LMBRD2: variants seen among roughly 807,000 people sequenced by gnomAD.
LMBRD2 encodes LMBR1 domain containing 2.
A neutral mutation model predicts 94.4 loss-of-function variants in LMBRD2; 55 were observed. The observed-to-expected ratio is 0.58, with a 90% confidence interval of 0.47 to 0.73. LMBRD2 has a LOEUF of 0.73. Ranked by LOEUF, LMBRD2 falls within the 30% of genes least tolerant of loss-of-function variation. LMBRD2 has a pLI of 0.00. For missense variants in LMBRD2, 640 were observed against 831.9 expected (o/e 0.77, Z 2.84); for synonymous variants, 246 against 272.4 (o/e 0.90, Z 0.95).
chr5:36,149,141 C>G (rs940681031), intron 1 of LMBRD2, among the ~76,000 whole-genome samples: 3 of 152,050 alleles, frequency 2.0e-5, no homozygotes, highest in African/African-American at 4.8e-5. Flanking sequence ...ATTCATTTAG[C>G]AAATATTTAC....
intron 6 of LMBRD2, among the ~76,000 whole-genome samples, chr5:36,127,487 G>A (rs188864178): frequency 6.6e-6 from 1 of 152,186 alleles, no homozygotes; most frequent in Admixed American, 6.5e-5. Context: ...TGCAGGACTC[G>A]GCTCTTAGAC....
At chr5:36,144,300 T>A (rs1744486980) in intron 1 of LMBRD2, among the ~76,000 whole-genome samples, 1 of 152,226 alleles carries the variant, frequency 6.6e-6, no homozygotes, top group African/African-American at 2.4e-5. Flanking sequence ...CTTTGTAAAA[T>A]CAATGTTAGA....
Position 36,114,428 on chromosome 5 carries a change from A to G in LMBRD2, c.1636T>C (p.Phe546Leu). Residue 546 changes from phenylalanine (F) to leucine (L), a missense_variant, in exon 13 of 18, where the codon TTT (phenylalanine) becomes CTT (leucine). Phe to Leu is a conservative substitution (Grantham distance 22, BLOSUM62 0). Coordinates refer to ENST00000296603, the MANE Select transcript of LMBRD2 (RefSeq NM_001007527.2). Reference protein sequence around the residue: ...LVVILCIATYFSLGTRCLNLL... With the variant: ...LVVILCIATYLSLGTRCLNLL... ...AAACAATGTTAAGTTTCTTACCTAAAATAAGTAGCAATGCAGAGAATTACC... is the reference window on the plus strand; with the variant it reads ...AAACAATGTTAAGTTTCTTACCTAAGATAAGTAGCAATGCAGAGAATTACC... 1 of 1,557,366 alleles carries G rather than the reference A, an allele frequency of 6.4e-7. No homozygotes were observed. Among genetic ancestry groups the G allele is most frequent in the Non-Finnish European group, 8.6e-7 (1 of 1,159,524 alleles).
chr5:36,127,606 A>C (rs922817642), intron 6 of LMBRD2, among the ~76,000 whole-genome samples: 4 of 152,190 alleles, frequency 2.6e-5, no homozygotes, highest in African/African-American at 9.6e-5. Context: ...TTGGGCCTTG[A>C]ATGAACACTG....
At chr5:36,142,201 GA>G (rs1207224924) in intron 3 of LMBRD2, among the ~76,000 whole-genome samples, 1 of 152,074 alleles carries the variant, frequency 6.6e-6, no homozygotes, top group African/African-American at 2.4e-5. Flanking sequence ...AGGCTGAGAG[GA>G]AAAACAGGTT....
intron 1 of LMBRD2, among the ~76,000 whole-genome samples, chr5:36,146,209 A>T (rs965990235): frequency 2.6e-5 from 4 of 152,256 alleles, no homozygotes; most frequent in Non-Finnish European, 5.9e-5. Flanking sequence ...CTACAAACTT[A>T]GTGACTTTAA....
intron 1 of LMBRD2, among the ~76,000 whole-genome samples, chr5:36,146,333 C>T (rs565676471): frequency 1.3e-5 from 2 of 152,298 alleles, no homozygotes; most frequent in South Asian, 2.1e-4. Flanking sequence ...ATCAAGGTGT[C>T]AGCAGGTTTG....
At chr5:36,111,345 A>G (rs1743601198) in intron 13 of LMBRD2, 87 bp from the exon 14 acceptor site, 1 of 867,816 alleles carries the variant, frequency 1.2e-6, no homozygotes, top group Non-Finnish European at 1.9e-6. Context: ...TGTCACTCCA[A>G]AAGAAGACTA....
Position 36,115,037 on chromosome 5 carries a change from G to C in LMBRD2, c.1520C>G (p.Thr507Ser). Residue 507 changes from threonine to serine, a missense_variant, in exon 12 of 18, where the codon ACT becomes AGT. This residue lies in a region of LMBRD2 where 457 missense variants were observed against 642.8 expected (regional missense o/e 0.71). Coordinates refer to ENST00000296603, the MANE Select transcript of LMBRD2 (RefSeq NM_001007527.2). ...TACAGATGTATAAGCAGTTGGTTGA[G>C]TATTCTTGTGAGAGATAGATGAATC... Reference protein sequence around the residue: ...HMDSSISHKNTQPTAYTSIMG... With the variant: ...HMDSSISHKNSQPTAYTSIMG... 6.2e-7 allele frequency: 1 copy of C among 1,607,414 alleles called. No homozygotes were observed. The highest frequency in any genetic ancestry group is 1.1e-5 in the South Asian group (1 of 90,764).
Position 36,112,547 on chromosome 5 carries a change from G to A in LMBRD2, c.1641-1289C>T, listed in dbSNP as rs528217032. Among the ~76,000 whole-genome samples, 4 of 152,268 alleles carry A rather than the reference G, an allele frequency of 2.6e-5. No homozygotes were observed. In the East Asian group the frequency reaches 7.7e-4, roughly 29 times the overall value. On this transcript the variant is annotated intron_variant, in intron 13 of 17. Transcript: ENST00000296603. Reference sequence around the variant, plus strand: ...CATTGCTTCAGGTGTTTCTATAACAGAAGATCTATTTTGTGAGTTAATCCG... The same window carrying A: ...CATTGCTTCAGGTGTTTCTATAACAAAAGATCTATTTTGTGAGTTAATCCG...
At chr5:36,130,125 A>G (rs1428089115) in intron 6 of LMBRD2, among the ~76,000 whole-genome samples, 2 of 152,308 alleles carry the variant, frequency 1.3e-5, no homozygotes, top group Non-Finnish European at 2.9e-5. Context: ...AACGTGGCAC[A>G]TGTATACATA....
In LMBRD2 at chr5:36,151,529, C is replaced by A. The variant is rs1050170777; in HGVS notation, c.-58+27G>T. On this transcript the variant is annotated intron_variant, in intron 1 of 17. Transcript: ENST00000296603. The surrounding 1 kb of genome is among the most constrained non-coding windows in gnomAD (Gnocchi z 4.7). Reference sequence around the variant, plus strand: ...TTCCTGGCAAAAGGACGAACAGGTGCGACGCCAGCAGTTCGCAGCCTCTCA... The same window carrying A: ...TTCCTGGCAAAAGGACGAACAGGTGAGACGCCAGCAGTTCGCAGCCTCTCA... 1.1e-4 allele frequency: 17 copies of A among 152,498 alleles called. No individual in the cohort carries two copies. Among genetic ancestry groups the A allele is most frequent in the Admixed American group, 1.0e-3 (16 of 15,312 alleles). 9.4% of individuals were successfully genotyped at this position (152,498 alleles called of 1,614,324 possible).
chr5:36,103,612 TACAGGTTGAATATACTTTTTAGAAGTA>T lies in LMBRD2; in HGVS notation c.*407_*433del, dbSNP rs1256605962. On this transcript the variant is annotated 3_prime_UTR_variant, in exon 18 of 18. Transcript: ENST00000296603. ...CATTCACTTACATTTCTTTGGGAAA[TACAGGTTGAATATACTTTTTAGAAGTA>T]ACAAAAATGTAAGTCACAATAACAA... is the stretch of plus-strand genomic sequence containing the variant. 3.9e-5 allele frequency: 6 copies of T among 152,596 alleles called. No individual in the cohort carries two copies. Among genetic ancestry groups the T allele is most frequent in the African/African-American group, 1.4e-4 (6 of 41,428 alleles). The allele number at this position is 152,596 out of a possible 1,614,324, so 9.5% of individuals were successfully genotyped here.
intron 16 of LMBRD2, among the ~76,000 whole-genome samples, chr5:36,106,658 T>C (rs772891189): frequency 6.3e-4 from 96 of 151,854 alleles, no homozygotes; most frequent in Non-Finnish European, 8.8e-4. Flanking sequence ...TACAGGTGCA[T>C]ACCACCATGC....
In LMBRD2 at chr5:36,102,253, T is replaced by C. The variant is rs1743361838; in HGVS notation, c.*1793A>G. Reference sequence around the variant, plus strand: ...GTACATAAACACCAATTCAACTTCCTCACAATGGCTTTGTAAGGTAGATCA... The same window carrying C: ...GTACATAAACACCAATTCAACTTCCCCACAATGGCTTTGTAAGGTAGATCA... On this transcript the variant is annotated 3_prime_UTR_variant, in exon 18 of 18. Transcript: ENST00000296603. 1 of 151,908 alleles carries C rather than the reference T, an allele frequency of 6.6e-6. No homozygotes were observed. 9.4% of individuals were successfully genotyped at this position (151,908 alleles called of 1,614,324 possible).
At chr5:36,126,897 A>G (rs928969435) in intron 6 of LMBRD2, among the ~76,000 whole-genome samples, 1 of 152,238 alleles carries the variant, frequency 6.6e-6, no homozygotes, top group Non-Finnish European at 1.5e-5. Flanking sequence ...TATCTTTCCA[A>G]TGTAAACTTT....
At chr5:36,129,085 G>A (rs1023186112) in intron 6 of LMBRD2, among the ~76,000 whole-genome samples, 1 of 152,070 alleles carries the variant, frequency 6.6e-6, no homozygotes, top group Non-Finnish European at 1.5e-5. Flanking sequence ...TAATAAAAAA[G>A]AATGAAAAGT....
Position 36,103,747 on chromosome 5 carries a change from A to G in LMBRD2, c.*299T>C, listed in dbSNP as rs564932552. ...TCTCTTGAAAAAAAATTAATCTGAA[A>G]CAAACTGAACTGCATGTTCTTAACA... On this transcript the variant is annotated 3_prime_UTR_variant, in exon 18 of 18. Transcript: ENST00000296603. 5.6e-6 allele frequency: 1 copy of G among 179,168 alleles called. No individual in the cohort carries two copies. The allele number at this position is 179,168 out of a possible 1,614,324, so 11.1% of individuals were successfully genotyped here. A position where few individuals can be genotyped will look rare whatever the true frequency, so the allele number is the denominator to read the frequency against.
At chr5:36,147,239 T>C (rs971477277) in intron 1 of LMBRD2, among the ~76,000 whole-genome samples, 23 of 152,162 alleles carry the variant, frequency 1.5e-4, no homozygotes, top group African/African-American at 4.8e-4. Context: ...AAACTGGAGA[T>C]AAAAATTGGG....
Sources: gnomAD v4.1 joint callset for allele counts (sites outside exome capture counted in the v4.1 genomes callset) on GRCh38, gnomAD v4.1.1 for gene constraint, gnomAD v4.1.1 regional missense constraint, Gnocchi (gnomAD v3.1) non-coding constraint, MANE v1.5 for transcripts, NCBI Gene and HGNC (gene_info 2026-07-23, HGNC 2026-07-21) for gene names.